Variants in POLE2 observed in about 807,000 individuals in gnomAD.
POLE2 encodes the protein DNA polymerase epsilon 2, accessory subunit, also known as DNA polymerase epsilon subunit 2.
POLE2 carries 56 observed loss-of-function variants against 79.4 expected under a neutral mutation model. The ratio of observed to expected loss-of-function variants is 0.71; its 90% CI spans 0.57 to 0.88. The LOEUF (loss-of-function observed/expected upper bound fraction) is 0.88. Among genes scored for constraint, POLE2 ranks in the 40% least tolerant of loss-of-function variants. POLE2 has a pLI of 0.00. For synonymous variants in POLE2, 212 were observed against 214.0 expected (o/e 0.99, Z 0.08); for missense variants, 598 against 638.9 (o/e 0.94, Z 0.69).
chr14:49,651,995 C>T lies in POLE2; in HGVS notation c.1212-618G>A, dbSNP rs149372374. 2.8e-3 allele frequency among the ~76,000 whole-genome samples: 424 copies of T among 152,118 alleles called. 1 individual carries two copies. Among genetic ancestry groups the T allele is most frequent in the Non-Finnish European group, 2.9e-3 (200 of 68,020 alleles). On this transcript the variant is annotated intron_variant, in intron 15 of 18. Transcript: ENST00000216367. ...GGAGGAGAGGAAATCAGAGAGGTAA[C>T]GGAGCCAGATAACACAGGGCCTTGA...
intron 18 of POLE2, among the ~76,000 whole-genome samples, chr14:49,646,302 G>GTTTTTTTTTTTTTTTTTTTTTTTTTTTTT (rs1162033821): frequency 3.5e-5 from 3 of 84,552 alleles, no homozygotes; most frequent in Non-Finnish European, 6.2e-5. Flanking sequence ...TTTTTTGTTG[G>GTTTTTTTTTTTTTTTTTTTTTTTTTTTTT]TTTTTTTTTT....
chr14:49,681,606 T>A (rs1886708609), intron 2 of POLE2, among the ~76,000 whole-genome samples: 1 of 152,100 alleles, frequency 6.6e-6, no homozygotes, highest in African/African-American at 2.4e-5. Context: ...AAACCCTGTC[T>A]CTACCAAAAA....
chr14:49,682,592 G>A (rs1455461314), intron 2 of POLE2, among the ~76,000 whole-genome samples: 3 of 129,194 alleles, frequency 2.3e-5, no homozygotes, highest in Admixed American at 9.3e-5. Flanking sequence ...AGCCGAAATA[G>A]CACCACTGCA....
chr14:49,674,194 C>T lies in POLE2; in HGVS notation c.346G>A (p.Ala116Thr), dbSNP rs1384933050. ...FLPLLMTNHPAPNLFGTPRDK... is the reference protein window; with the variant it reads ...FLPLLMTNHPTPNLFGTPRDK... ...CTTGGTGTTCCAAATAAATTTGGTG[C>T]AGGGTGGTTGGTCATTAACAGACTA... Residue 116 changes from alanine (A) to threonine (T), a missense_variant, in exon 5 of 19, where the codon GCA (alanine) becomes ACA (threonine). By Grantham distance (58) the Ala-to-Thr change is moderately conservative. Coordinates refer to ENST00000216367, the MANE Select transcript of POLE2 (RefSeq NM_002692.4). 1.2e-6 allele frequency: 2 copies of T among 1,612,254 alleles called. No individual in the cohort carries two copies. Among genetic ancestry groups the T allele is most frequent in the Admixed American group, 1.7e-5 (1 of 59,968 alleles).
At chr14:49,672,077 G>A (rs28371875) in intron 5 of POLE2, among the ~76,000 whole-genome samples, 5,982 of 152,280 alleles carry the variant, frequency 0.039, 384 homozygotes, top group African/African-American at 0.14. Context: ...AGATAAGAGG[G>A]AAGAGCAGTC....
intron 10 of POLE2, among the ~76,000 whole-genome samples, chr14:49,662,663 G>A (rs1885175670): frequency 6.6e-6 from 1 of 152,246 alleles, no homozygotes; most frequent in South Asian, 2.1e-4. Flanking sequence ...CTCCTGTTAA[G>A]AGAACTCTGA....
chr14:49,674,097 TC>T, intron 5 of POLE2, 25 bp downstream of exon 5: 1 of 1,262,318 alleles, frequency 7.9e-7, no homozygotes, highest in Non-Finnish European at 1.2e-6. Context: ...CCCAGTATCC[TC>T]CCCTCCGCCC....
chr14:49,686,212 T>C (rs1887125415), intron 1 of POLE2, among the ~76,000 whole-genome samples: 2 of 152,152 alleles, frequency 1.3e-5, no homozygotes, highest in Admixed American at 1.3e-4. Context: ...AAATAGAATA[T>C]AGCAAAAGGG....
In POLE2 at chr14:49,664,616, A is replaced by G; in HGVS notation, c.682+10T>C. The G allele has an allele frequency of 6.4e-7, 1 of 1,551,394 alleles. No individual in the cohort carries two copies. Among genetic ancestry groups the G allele is most frequent in the Admixed American group, 1.7e-5 (1 of 59,770 alleles). On this transcript the variant is annotated intron_variant, in intron 9 of 18. Coordinates refer to ENST00000216367, the MANE Select transcript of POLE2 (RefSeq NM_002692.4). ...GAGAAGAAGGACAGTAACAAAGTAT[A>G]CTGACTTACCTTCTGCTAAGACAAA...
chr14:49,679,888 C>A, intron 2 of POLE2, 88 bp from the exon 3 acceptor site: 1 of 726,066 alleles, frequency 1.4e-6, no homozygotes, highest in Non-Finnish European at 2.4e-6. Context: ...AAATAATTTG[C>A]AAATATTAAT....
At chr14:49,664,128 T>C (rs2139647936) in intron 9 of POLE2, among the ~76,000 whole-genome samples, 1 of 151,744 alleles carries the variant, frequency 6.6e-6, no homozygotes, top group Middle Eastern at 3.4e-3. Flanking sequence ...GCGGGTGGAC[T>C]GCCTGAGCTC....
intron 3 of POLE2, among the ~76,000 whole-genome samples, chr14:49,675,899 A>G (rs1886242441): frequency 6.6e-6 from 1 of 151,810 alleles, no homozygotes; most frequent in African/African-American, 2.4e-5. Context: ...GATTACAGGC[A>G]CCCTCCACCA....
chr14:49,649,037 C>T (rs917912619), intron 17 of POLE2, among the ~76,000 whole-genome samples: 10 of 151,308 alleles, frequency 6.6e-5, no homozygotes, highest in African/African-American at 2.4e-4. Flanking sequence ...TATTAAAAAT[C>T]TCTAGTGGAG....
In POLE2 at chr14:49,665,213, G is replaced by A. The variant is rs758255655; in HGVS notation, c.577-50C>T. The A allele has an allele frequency of 8.8e-5, 70 of 792,598 alleles. 1 individual carries two copies. The Middle Eastern group carries it at 1.2e-3, about 13-fold the overall frequency. 49.1% of individuals were successfully genotyped at this position (792,598 alleles called of 1,614,324 possible). Reference sequence around the variant, plus strand: ...CCACATTTATGTAACAATGAAAACCGTTGACAAAAAAATTAAACTACAAGT... The same window carrying A: ...CCACATTTATGTAACAATGAAAACCATTGACAAAAAAATTAAACTACAAGT... On this transcript the variant is annotated intron_variant, in intron 7 of 18. Transcript: ENST00000216367.
chr14:49,644,145 G>T (rs1021637869), intron 18 of POLE2, among the ~76,000 whole-genome samples: 3 of 150,114 alleles, frequency 2.0e-5, no homozygotes, highest in Admixed American at 6.6e-5. Flanking sequence ...CTCCCAAAAA[G>T]TGCTAGGATT....
chr14:49,663,804 G>A (rs995457692), intron 9 of POLE2, among the ~76,000 whole-genome samples: 4 of 151,842 alleles, frequency 2.6e-5, no homozygotes, highest in African/African-American at 7.3e-5. Context: ...TGAGGCGGGC[G>A]GATCACAAGG....
chr14:49,660,235 T>C (rs1885004039), intron 10 of POLE2, among the ~76,000 whole-genome samples: 1 of 152,218 alleles, frequency 6.6e-6, no homozygotes, highest in Admixed American at 6.5e-5. Flanking sequence ...GGCTGTACCA[T>C]ACAGCCTTGG....
intron 5 of POLE2, 95 bp from the exon 6 acceptor site, chr14:49,669,693 T>C (rs1419848081): frequency 6.0e-6 from 4 of 671,824 alleles, no homozygotes; most frequent in Non-Finnish European, 1.1e-5. Flanking sequence ...GTCCTTAAAC[T>C]AATGTCACTA....
intron 10 of POLE2, among the ~76,000 whole-genome samples, chr14:49,660,636 C>A (rs942307393): frequency 2.6e-5 from 4 of 152,114 alleles, no homozygotes; most frequent in African/African-American, 9.7e-5. Context: ...CACCTATAAT[C>A]CCAGCCTCCC....
Sources: allele counts gnomAD v4.1 joint callset (sites outside exome capture counted in the v4.1 genomes callset), GRCh38; gene constraint gnomAD v4.1.1; transcripts MANE v1.5; gene names NCBI Gene and HGNC (gene_info 2026-07-23, HGNC 2026-07-21).